CEP44: variants seen among roughly 807,000 people sequenced by gnomAD.
CEP44 encodes the protein centrosomal protein 44, also known as centrosomal protein of 44 kDa.
CEP44 carries 45 observed loss-of-function variants against 46.7 expected under a neutral mutation model. That is an observed-to-expected ratio of 0.96 (90% CI 0.76 to 1.24). The LOEUF is 1.24. Ranked by LOEUF, CEP44 falls within the 50% of genes most tolerant of loss-of-function variation. The pLI is 0.00. For missense variants in CEP44, 475 were observed against 459.7 expected (o/e 1.03, Z -0.30); for synonymous variants, 142 against 146.0 (o/e 0.97, Z 0.20).
In CEP44 at chr4:174,299,139, A is replaced by G. The variant is rs770624346; in HGVS notation, c.18A>G (p.Leu6=). 2 of 1,613,434 alleles carry G rather than the reference A, an allele frequency of 1.2e-6. No individual in the cohort carries two copies. Among genetic ancestry groups the G allele is most frequent in the African/African-American group, 2.7e-5 (2 of 74,904 alleles). The stretch of plus-strand genomic sequence containing the variant: ...GTTAAGTAATGGCAACAGGTGACTT[A>G]AAAAGAAGCTTACGGAACCTAGAAC... MATGD[L]KRSLRNLEQV... The change falls in exon 3 of 12, where the codon TTA becomes TTG. Residue 6 remains leucine (L), a synonymous_variant. Transcript: ENST00000503780.
chr4:174,310,112 T>G lies in CEP44; in HGVS notation c.885+56T>G. ...TCTCAGATATAACAAAGTTTTTTTT[T>G]GATTGTTATATGTGTATTTTTTTGG... On this transcript the variant is annotated intron_variant, in intron 8 of 11. Transcript: ENST00000503780. The surrounding 1 kb of genome is among the most constrained non-coding windows in gnomAD (Gnocchi z 4.2). 2 of 1,494,352 alleles carry G rather than the reference T, an allele frequency of 1.3e-6. No homozygotes were observed. The highest frequency in any genetic ancestry group is 4.7e-5 in the East Asian group (2 of 42,278). 92.6% of individuals were successfully genotyped at this position (1,494,352 alleles called of 1,614,324 possible). A position where few individuals can be genotyped will look rare whatever the true frequency, so the allele number is the denominator to read the frequency against.
At chr4:174,330,872 A>G (rs1054954191) in intron 8 of CEP44, among the ~76,000 whole-genome samples, 1 of 149,140 alleles carries the variant, frequency 6.7e-6, no homozygotes, top group African/African-American at 2.5e-5. Context: ...TAACCTACTA[A>G]AAATATTTAC....
rs1740835709 is a variant in CEP44 at position 174,309,583 on chromosome 4, C to T, written c.679-267C>T. On this transcript the variant is annotated intron_variant, in intron 7 of 11. Coordinates refer to ENST00000503780, the MANE Select transcript of CEP44 (RefSeq NM_001040157.3). The surrounding 1 kb of genome is among the most constrained non-coding windows in gnomAD (Gnocchi z 5.3). ...ACTAGCTGGTATTAAGAGAATCATG[C>T]AAATTAACTCATTATCAGAAGAATC... 6.6e-6 allele frequency among the ~76,000 whole-genome samples: 1 copy of T among 151,548 alleles called. No homozygotes were observed. The highest frequency in any genetic ancestry group is 1.5e-5 in the Non-Finnish European group (1 of 67,856).
At chr4:174,332,256 C>T (rs983305819) in exon 9 of CEP44, 3 of 152,150 alleles carry the variant, frequency 2.0e-5, no homozygotes, top group African/African-American at 7.2e-5. Context: ...TTAAATACAG[C>T]AATATGAAGA....
intron 6 of CEP44, among the ~76,000 whole-genome samples, chr4:174,305,051 G>A (rs1740223140): frequency 6.6e-6 from 1 of 152,176 alleles, no homozygotes; most frequent in African/African-American, 2.4e-5. Context: ...ATTATCAATG[G>A]TGTAATTAAG....
At chr4:174,308,581 T>C (rs1279746513) in intron 6 of CEP44, 108 bp from the exon 7 acceptor site, 1 of 1,016,152 alleles carries the variant, frequency 9.8e-7, no homozygotes, top group Non-Finnish European at 1.4e-6. Flanking sequence ...GGCACACATT[T>C]ACTTGTGTAA....
intron 6 of CEP44, among the ~76,000 whole-genome samples, chr4:174,304,776 C>A (rs888325900): frequency 4.6e-5 from 7 of 152,022 alleles, no homozygotes; most frequent in Non-Finnish European, 1.0e-4. Context: ...ATTTCTGTAA[C>A]CAAGTATGAA....
At chr4:174,328,366 A>G (rs1268123789) in intron 8 of CEP44, among the ~76,000 whole-genome samples, 1 of 152,246 alleles carries the variant, frequency 6.6e-6, no homozygotes, top group African/African-American at 2.4e-5. Context: ...AGATAACTCA[A>G]TATAGATAAG....
rs958442955 is a variant in CEP44 at position 174,293,709 on chromosome 4, C to T, written c.-147-4257C>T. Among the ~76,000 whole-genome samples the T allele has an allele frequency of 2.0e-5, 3 of 152,126 alleles. No homozygotes were observed. In the East Asian group the frequency reaches 5.8e-4, roughly 29 times the overall value. On this transcript the variant is annotated intron_variant, in intron 1 of 11. Coordinates refer to ENST00000503780, the MANE Select transcript of CEP44 (RefSeq NM_001040157.3). Reference sequence around the variant, plus strand: ...GGGGTTTTTTTTGTTAATTCTTTAGCATTTCCTAAATAAACAATCATGTCT... The same window carrying T: ...GGGGTTTTTTTTGTTAATTCTTTAGTATTTCCTAAATAAACAATCATGTCT...
Position 174,310,833 on chromosome 4 carries a change from T to C in CEP44, c.936T>C (p.Cys312=). ...AAGTTAGTGAAGACTACGCTTCTTG[T>C]AGTGACATGGACCTTCTGAATCCTC... The part of the protein sequence containing the change: ...FNEVSEDYAS[C]SDMDLLNPHR... The change falls in exon 9 of 12, where the codon TGT becomes TGC. Residue 312 remains cysteine, a synonymous_variant. Coordinates refer to ENST00000503780, the MANE Select transcript of CEP44 (RefSeq NM_001040157.3). This position sits in a 1 kb window ranked among gnomAD's most constrained non-coding sequence, Gnocchi z 4.2. The C allele has an allele frequency of 6.6e-7, 1 of 1,524,434 alleles. No homozygotes were observed. The highest frequency in any genetic ancestry group is 1.2e-5 in the South Asian group (1 of 85,522). The allele number at this position is 1,524,434 out of a possible 1,614,324, so 94.4% of individuals were successfully genotyped here. A position where few individuals can be genotyped will look rare whatever the true frequency, so the allele number is the denominator to read the frequency against.
rs1741432454 is a variant in CEP44 at position 174,314,484 on chromosome 4, G to A, written c.962-1682G>A. ...TCCTCTGTAGGAATAACTATGAATA[G>A]CCTGCCAGCCTGCCAAATACCAGCT... On this transcript the variant is annotated intron_variant, in intron 9 of 11. Coordinates refer to ENST00000503780, the MANE Select transcript of CEP44 (RefSeq NM_001040157.3). This position sits in a 1 kb window ranked among gnomAD's most constrained non-coding sequence, Gnocchi z 4.1. Among the ~76,000 whole-genome samples the A allele has an allele frequency of 1.3e-5, 2 of 152,040 alleles. No homozygotes were observed. Among genetic ancestry groups the A allele is most frequent in the Non-Finnish European group, 2.9e-5 (2 of 68,028 alleles).
intron 1 of CEP44, among the ~76,000 whole-genome samples, chr4:174,284,809 A>G (rs911734470): frequency 6.6e-6 from 1 of 152,020 alleles, no homozygotes; most frequent in Non-Finnish European, 1.5e-5. Context: ...TGTTTTTCTC[A>G]TCTTTACTTT....
chr4:174,304,558 T>G (rs539980003), intron 6 of CEP44, among the ~76,000 whole-genome samples, 189 bp downstream of exon 6: 9 of 152,352 alleles, frequency 5.9e-5, no homozygotes, highest in African/African-American at 2.2e-4. Flanking sequence ...GATAGAAATA[T>G]AAAATTAAAT....
At chr4:174,295,699 T>C (rs979850076) in intron 1 of CEP44, among the ~76,000 whole-genome samples, 1 of 152,184 alleles carries the variant, frequency 6.6e-6, no homozygotes, top group Non-Finnish European at 1.5e-5. Flanking sequence ...CTGGGCACCA[T>C]TGAGCACTGA....
rs1045311208 is a variant in CEP44, at chr4:174,301,836, G to T, written c.90-203G>T. Among the ~76,000 whole-genome samples the T allele has an allele frequency of 6.6e-6, 1 of 152,148 alleles. No homozygotes were observed. The highest frequency in any genetic ancestry group is 1.5e-5 in the Non-Finnish European group (1 of 68,008). On this transcript the variant is annotated intron_variant, in intron 3 of 11. Transcript: ENST00000503780. This position sits in a 1 kb window ranked among gnomAD's most constrained non-coding sequence, Gnocchi z 4.3. ...AGTAAGTTTTTTGAGCAGACGAACAGTGGTATTTCATAGTAGTCTGGCTAG... is the reference window on the plus strand; with the variant it reads ...AGTAAGTTTTTTGAGCAGACGAACATTGGTATTTCATAGTAGTCTGGCTAG...
rs368964236 is a variant in CEP44 at position 174,303,709 on chromosome 4, C to T, written c.244C>T (p.Arg82Cys). Residue 82 changes from arginine (R) to cysteine (C), a missense_variant, in exon 5 of 12, where the codon CGT (arginine) becomes TGT (cysteine). By Grantham distance (180) the Arg-to-Cys change is radical (BLOSUM62 -3). Transcript: ENST00000503780. The stretch of plus-strand genomic sequence containing the variant: ...GAGTCTGTTTCCTCTGCAGCTTCTT[C>T]GTGATCAATTTAATTATAAACCAAT... ...RFIDAVYKLL[R>C]DQFNYKPILT... is the part of the protein sequence containing the mutation. 3.7e-5 allele frequency: 56 copies of T among 1,521,962 alleles called. No homozygotes were observed. The highest frequency in any genetic ancestry group is 3.5e-4 in the Admixed American group (20 of 57,082). The allele number at this position is 1,521,962 out of a possible 1,614,324, so 94.3% of individuals were successfully genotyped here.
intron 9 of CEP44, among the ~76,000 whole-genome samples, chr4:174,315,886 T>C (rs1741644152): frequency 6.6e-6 from 1 of 150,516 alleles, no homozygotes; most frequent in Admixed American, 6.6e-5. Flanking sequence ...ATTGATTCAA[T>C]AGGTTATATT....
downstream of CEP44, among the ~76,000 whole-genome samples, chr4:174,324,455 A>C (rs957474998): frequency 1.3e-5 from 2 of 152,184 alleles, no homozygotes; most frequent in African/African-American, 4.8e-5. Context: ...TAAGTTTATG[A>C]AAAACTGCCA....
chr4:174,317,724 T>C lies in CEP44; in HGVS notation c.*341T>C. The C allele has an allele frequency of 6.0e-6, 6 of 992,024 alleles. No individual in the cohort carries two copies. Among genetic ancestry groups the C allele is most frequent in the Non-Finnish European group, 7.2e-6 (6 of 834,062 alleles). The allele number at this position is 992,024 out of a possible 1,614,324, so 61.5% of individuals were successfully genotyped here. ...TTTTTTAAAGCACAGGCTTGAGGACTATGGTTTACATCCTGTTGGAAACAT... is the reference window on the plus strand; with the variant it reads ...TTTTTTAAAGCACAGGCTTGAGGACCATGGTTTACATCCTGTTGGAAACAT... On this transcript the variant is annotated 3_prime_UTR_variant, in exon 12 of 12. Transcript: ENST00000503780.
Sources: allele counts gnomAD v4.1 joint callset (sites outside exome capture counted in the v4.1 genomes callset), GRCh38; gene constraint gnomAD v4.1.1; non-coding constraint Gnocchi (gnomAD v3.1); transcripts MANE v1.5; gene names NCBI Gene and HGNC (gene_info 2026-07-23, HGNC 2026-07-21).